The following TENM2 variants were observed in gnomAD, a reference collection of about 807,000 sequenced individuals.
TENM2 encodes the protein teneurin transmembrane protein 2, also known as teneurin-2.
A neutral mutation model predicts 245.2 loss-of-function variants in TENM2; 52 were observed. That is an observed-to-expected ratio of 0.21 (90% CI 0.17 to 0.27). The LOEUF (loss-of-function observed/expected upper bound fraction) is 0.27. Ranked by LOEUF, TENM2 falls within the 10% of genes least tolerant of loss-of-function variation. The pLI is 1.00. For synonymous variants in TENM2, 1,363 were observed against 1,438.9 expected, an observed-to-expected ratio of 0.95 and a Z score of 1.19; for missense variants, 3,046 against 3,666.8, an observed-to-expected ratio of 0.83 and a Z score of 4.37.
chr5:167,002,001 T>C, the TENM2 span, among the ~76,000 whole-genome samples: 1 of 152,210 alleles, frequency 6.6e-6, no homozygotes, highest in African/African-American at 2.4e-5. Flanking sequence ...TTATATCAAA[T>C]TGATTCTATT....
rs1467480814 is a variant in TENM2, at chr5:167,321,800, T to TTTTTTTTGG, written c.226+36738_226+36739insTTTTTTGGT. Among the ~76,000 whole-genome samples, 6 of 12,144 alleles carry TTTTTTTTGG rather than the reference T, an allele frequency of 4.9e-4. 2 individuals are homozygous for TTTTTTTTGG. The highest frequency in any genetic ancestry group is 8.6e-4 in the Non-Finnish European group (5 of 5,816). 8.0% of individuals were successfully genotyped at this position (12,144 alleles called of 152,430 possible). On this transcript the variant is annotated intron_variant, in intron 1 of 28. Coordinates refer to ENST00000518659, the Ensembl canonical transcript of TENM2. ...GCCTTGGCTTATTTTTTTTTTTTTT[T>TTTTTTTTGG]TGGGGGGGGGGGCGGGGGGGGGGGT...
chr5:167,829,418 G>A (rs1432554707), intron 2 of TENM2, among the ~76,000 whole-genome samples: 4 of 152,126 alleles, frequency 2.6e-5, no homozygotes, highest in Non-Finnish European at 5.9e-5. Flanking sequence ...AAAGTTGGGG[G>A]TTCTATGCCC....
At chr5:167,893,632 TG>T (rs1406272850) in intron 3 of TENM2, among the ~76,000 whole-genome samples, 1 of 151,226 alleles carries the variant, frequency 6.6e-6, no homozygotes, top group Non-Finnish European at 1.5e-5. Context: ...GTTTTTTTGT[TG>T]TTTTTTTTTT....
At chr5:167,635,887 A>G (rs367816161) in intron 2 of TENM2, among the ~76,000 whole-genome samples, 2,479 of 139,730 alleles carry the variant, frequency 0.018, no homozygotes, top group Middle Eastern at 0.038. Context: ...CTCGTGATCC[A>G]CCCGCCTCGG....
At chr5:167,384,706 G>A (rs75661541) in intron 2 of TENM2, among the ~76,000 whole-genome samples, 55,231 of 151,750 alleles carry the variant, frequency 0.36, 11,095 homozygotes, top group African/African-American at 0.56. Flanking sequence ...ACGCGTGCGC[G>A]CACACACGCA....
At chr5:167,944,116 G>A (rs1044290320) in intron 3 of TENM2, among the ~76,000 whole-genome samples, 6 of 152,180 alleles carry the variant, frequency 3.9e-5, no homozygotes, top group South Asian at 2.1e-4. Context: ...TGGCACCTAC[G>A]ATTAAAATCC....
intron 2 of TENM2, among the ~76,000 whole-genome samples, chr5:167,702,552 G>GTGTGTGTATA (rs58351767): frequency 7.3e-6 from 1 of 136,780 alleles, no homozygotes; most frequent in African/African-American, 2.9e-5. Context: ...GTGTGTGTGT[G>GTGTGTGTATA]TATATATATA....
the TENM2 span, among the ~76,000 whole-genome samples, chr5:167,063,163 G>A: frequency 6.6e-6 from 1 of 151,916 alleles, no homozygotes; most frequent in South Asian, 2.1e-4. Context: ...CTCATGTTGG[G>A]CATCTCAATA....
At chr5:167,931,444 G>T (rs576302698) in intron 3 of TENM2, among the ~76,000 whole-genome samples, 4 of 151,716 alleles carry the variant, frequency 2.6e-5, no homozygotes, top group Non-Finnish European at 5.9e-5. Context: ...CCTGTAAATT[G>T]GGCCATATAA....
intron 2 of TENM2, chr5:167,574,055 G>C (rs1582426273): frequency 6.6e-6 from 1 of 152,172 alleles, no homozygotes; most frequent in African/African-American, 2.4e-5. Context: ...GTTTGACCGA[G>C]TGGCTTAGTT....
At chr5:167,679,592 A>C (rs1756563701) in intron 2 of TENM2, among the ~76,000 whole-genome samples, 1 of 152,172 alleles carries the variant, frequency 6.6e-6, no homozygotes, top group Non-Finnish European at 1.5e-5. Context: ...TTGGTACTGC[A>C]TGCAAATCTT....
intron 5 of TENM2, among the ~76,000 whole-genome samples, chr5:168,029,919 G>A (rs1217459077): frequency 6.6e-6 from 1 of 152,162 alleles, no homozygotes; most frequent in Non-Finnish European, 1.5e-5. Flanking sequence ...GTGGCTGATA[G>A]TTTGGAAAGC....
chr5:168,165,564 C>A (rs1758151608), intron 13 of TENM2, among the ~76,000 whole-genome samples: 2 of 146,300 alleles, frequency 1.4e-5, no homozygotes, highest in South Asian at 4.3e-4. Context: ...AACCAAAATC[C>A]TGAAGTGATG....
intron 2 of TENM2, among the ~76,000 whole-genome samples, chr5:167,747,535 G>A (rs999240902): frequency 3.9e-5 from 6 of 152,126 alleles, no homozygotes; most frequent in South Asian, 2.1e-4. Context: ...AATACCTCAC[G>A]CTGATACTCA....
the TENM2 span, among the ~76,000 whole-genome samples, chr5:167,084,883 C>T: frequency 5.9e-3 from 899 of 152,218 alleles, 7 homozygotes; most frequent in African/African-American, 0.021. Flanking sequence ...AAAAATACTA[C>T]GATACATACA....
At chr5:167,894,988 A>T in intron 3 of TENM2, among the ~76,000 whole-genome samples, 1 of 106,412 alleles carries the variant, frequency 9.4e-6, no homozygotes, top group East Asian at 3.4e-4. Context: ...GAAGGAAGGA[A>T]GGAGGGAAGG....
At position 168,211,639 on chromosome 5, in the gene TENM2, C is replaced by A. The variant is rs1478834974; in HGVS notation, c.3825-95C>A. 3 of 826,902 alleles carry A rather than the reference C, an allele frequency of 3.6e-6. No homozygotes were observed. The African/African-American group carries it at 5.3e-5, about 15-fold the overall frequency. 51.2% of individuals were successfully genotyped at this position (826,902 alleles called of 1,614,324 possible). A position where few individuals can be genotyped will look rare whatever the true frequency, so the allele number is the denominator to read the frequency against. ...GAAAAAGACTGCCTTTTTTGGGCCC[C>A]TTTATACAAGAAACAAAAATGTTAT... On this transcript the variant is annotated intron_variant, in intron 19 of 28. Coordinates refer to ENST00000518659, the Ensembl canonical transcript of TENM2.
the TENM2 span, among the ~76,000 whole-genome samples, chr5:167,217,666 A>G: frequency 6.7e-6 from 1 of 150,320 alleles, no homozygotes; most frequent in East Asian, 1.9e-4. Flanking sequence ...GTTTATTTGC[A>G]TATGAACCTC....
chr5:168,138,643 C>T (rs567838640), intron 12 of TENM2, among the ~76,000 whole-genome samples: 12 of 152,330 alleles, frequency 7.9e-5, no homozygotes, highest in Admixed American at 2.6e-4. Flanking sequence ...GAGAGGAAAG[C>T]AGGAAGGGAC....
Sources: gnomAD v4.1 joint callset for allele counts (sites outside exome capture counted in the v4.1 genomes callset) on GRCh38, gnomAD v4.1.1 for gene constraint, MANE v1.5 for transcripts, NCBI Gene and HGNC (gene_info 2026-07-23, HGNC 2026-07-21) for gene names.